The following VASH2 variants were observed in gnomAD, a reference collection of about 807,000 sequenced individuals.
VASH2 encodes the protein vasohibin 2.
Under a neutral mutation model 37.2 loss-of-function variants are expected in VASH2, and 28 were observed. The observed-to-expected ratio is 0.75, with a 90% CI of 0.56 to 1.03. The LOEUF (loss-of-function observed/expected upper bound fraction) is 1.03, where lower values mean the gene tolerates loss of function less well. VASH2 is among the 50% of genes least tolerant of loss of function. The pLI, the probability that VASH2 is intolerant of heterozygous loss-of-function variation, is 0.00. For synonymous variants in VASH2, 188 were observed against 174.7 expected, an observed-to-expected ratio of 1.08 and a Z score of -0.60; for missense variants, 419 against 459.1, an observed-to-expected ratio of 0.91 and a Z score of 0.80.
chr1:212,986,732 T>A (rs1476930922), intron 7 of VASH2, among the ~76,000 whole-genome samples: 1 of 122,246 alleles, frequency 8.2e-6, no homozygotes, highest in Non-Finnish European at 1.8e-5. Flanking sequence ...TGAGCTCTGA[T>A]ACAATGAGCA....
chr1:212,987,069 G>A (rs943950938), intron 7 of VASH2, among the ~76,000 whole-genome samples: 1 of 151,972 alleles, frequency 6.6e-6, no homozygotes, highest in Non-Finnish European at 1.5e-5. Flanking sequence ...AGGGGTAGTG[G>A]AATTGCTGGC....
In VASH2 at chr1:212,971,336, G is replaced by C. The variant is rs1323385551; in HGVS notation, c.498-1244G>C. On this transcript the variant is annotated intron_variant, in intron 5 of 7. Transcript: ENST00000517399. The surrounding 1 kb of genome is among the most constrained non-coding windows in gnomAD (Gnocchi z 4.0). Reference sequence around the variant, plus strand: ...CAGAAGTGGAATTGCCAGGTCCTAGGGTAATCCTGTTGAATTATTTGAGGA... The same window carrying C: ...CAGAAGTGGAATTGCCAGGTCCTAGCGTAATCCTGTTGAATTATTTGAGGA... Among the ~76,000 whole-genome samples, 2 of 152,186 alleles carry C rather than the reference G, an allele frequency of 1.3e-5. No homozygotes were observed. Among genetic ancestry groups the C allele is most frequent in the Non-Finnish European group, 2.9e-5 (2 of 68,026 alleles).
In VASH2 at chr1:212,950,609, A is replaced by G. The variant is rs1666269107; in HGVS notation, c.-336A>G. On this transcript the variant is annotated 5_prime_UTR_variant, in exon 1 of 8. The change abolishes an upstream ATG in the 5' untranslated region. Coordinates refer to ENST00000517399, the MANE Select transcript of VASH2 (RefSeq NM_001301056.2). This position sits in a 1 kb window ranked among gnomAD's most constrained non-coding sequence, Gnocchi z 5.5. ...ACAGAATAACATTCGAGAATGGGACATGGAATGAGGCGACGGCCCCAGCAA... is the reference window on the plus strand; with the variant it reads ...ACAGAATAACATTCGAGAATGGGACGTGGAATGAGGCGACGGCCCCAGCAA... 1 of 153,856 alleles carries G rather than the reference A, an allele frequency of 6.5e-6. No individual in the cohort carries two copies. The highest frequency in any genetic ancestry group is 1.7e-4 in the South Asian group (1 of 5,728). 9.5% of individuals were successfully genotyped at this position (153,856 alleles called of 1,614,324 possible).
intron 6 of VASH2, chr1:212,973,352 C>T (rs1480289871): frequency 1.6e-6 from 2 of 1,265,582 alleles, no homozygotes; most frequent in Non-Finnish European, 2.1e-6. Context: ...AGACTATACT[C>T]ATACGTCCCT....
chr1:212,973,373 T>C (rs1667069289), intron 6 of VASH2: 6 of 1,289,860 alleles, frequency 4.7e-6, no homozygotes, highest in African/African-American at 4.5e-5. Flanking sequence ...CTTCTCTCTC[T>C]CAGTTTTACC....
intron 3 of VASH2, among the ~76,000 whole-genome samples, chr1:212,964,207 A>G (rs1479967359): frequency 6.6e-6 from 1 of 152,184 alleles, no homozygotes; most frequent in Non-Finnish European, 1.5e-5. Context: ...TGGAGCCCAG[A>G]ATCTGCTTAT....
intron 7 of VASH2, among the ~76,000 whole-genome samples, chr1:212,976,580 A>AAAG (rs1553275822): frequency 5.3e-5 from 8 of 151,492 alleles, no homozygotes; most frequent in Non-Finnish European, 1.2e-4. Flanking sequence ...AAAAAAAAAA[A>AAAG]TGGTGACGAC....
In VASH2 at chr1:212,971,810, A is replaced by G. The variant is rs1351559398; in HGVS notation, c.498-770A>G. On this transcript the variant is annotated intron_variant, in intron 5 of 7. Transcript: ENST00000517399. This position sits in a 1 kb window ranked among gnomAD's most constrained non-coding sequence, Gnocchi z 4.0. Reference sequence around the variant, plus strand: ...CTCTGGCACCGAGAGCAGCCCTTTTAAGTGTAAGGCAGTGCACATCCACAA... The same window carrying G: ...CTCTGGCACCGAGAGCAGCCCTTTTGAGTGTAAGGCAGTGCACATCCACAA... 6.6e-6 allele frequency among the ~76,000 whole-genome samples: 1 copy of G among 152,028 alleles called. No homozygotes were observed. Among genetic ancestry groups the G allele is most frequent in the East Asian group, 1.9e-4 (1 of 5,196 alleles).
chr1:212,975,622 AGTT>A (rs916975733), intron 7 of VASH2, among the ~76,000 whole-genome samples: 6 of 152,248 alleles, frequency 3.9e-5, no homozygotes, highest in Admixed American at 3.9e-4. Flanking sequence ...ATCACAAAGT[AGTT>A]GTTGTCTCAG....
chr1:212,966,213 C>G (rs892660129), intron 4 of VASH2, 58 bp from the exon 5 acceptor site: 70 of 1,454,354 alleles, frequency 4.8e-5, no homozygotes, highest in Non-Finnish European at 6.2e-5. Context: ...GATTGACAGA[C>G]TGACCGAGTG....
At chr1:212,973,591 G>A (rs370038825) in intron 6 of VASH2, 1 of 1,250,150 alleles carries the variant, frequency 8.0e-7, no homozygotes, top group East Asian at 5.5e-5. Flanking sequence ...GGAAGAACAG[G>A]CTGGTTTCTG....
At chr1:212,982,231 G>C (rs1424291320) in intron 7 of VASH2, among the ~76,000 whole-genome samples, 1 of 152,128 alleles carries the variant, frequency 6.6e-6, no homozygotes, top group Non-Finnish European at 1.5e-5. Flanking sequence ...GGTGAGGCTG[G>C]GACTGTCTGT....
chr1:212,986,019 C>A (rs963263710), intron 7 of VASH2, among the ~76,000 whole-genome samples: 1 of 152,142 alleles, frequency 6.6e-6, no homozygotes, highest in African/African-American at 2.4e-5. Context: ...TGTTGAGGGG[C>A]AACTAATAGA....
At chr1:212,986,309 T>C (rs1667477139) in intron 7 of VASH2, among the ~76,000 whole-genome samples, 1 of 152,172 alleles carries the variant, frequency 6.6e-6, no homozygotes, top group Admixed American at 6.5e-5. Flanking sequence ...GGAGCAGTGA[T>C]TTACTTTTCT....
At chr1:212,970,099 G>T (rs1666966073) in intron 5 of VASH2, among the ~76,000 whole-genome samples, 1 of 152,196 alleles carries the variant, frequency 6.6e-6, no homozygotes, top group Non-Finnish European at 1.5e-5. Flanking sequence ...GTTTATTAAA[G>T]AAACAGGTTC....
intron 2 of VASH2, among the ~76,000 whole-genome samples, chr1:212,959,266 C>CCG (rs1553272335): frequency 3.2e-4 from 48 of 151,114 alleles, no homozygotes; most frequent in Admixed American, 3.2e-3. Flanking sequence ...TTGACTTGCT[C>CCG]TGTGTGTGTG....
intron 7 of VASH2, among the ~76,000 whole-genome samples, chr1:212,974,273 G>A (rs1281358353): frequency 6.6e-6 from 1 of 152,188 alleles, no homozygotes; most frequent in Non-Finnish European, 1.5e-5. Context: ...TCTGCTGTCA[G>A]TTGCACACAA....
chr1:212,967,283 A>G lies in VASH2; in HGVS notation c.497+938A>G, dbSNP rs954527006. On this transcript the variant is annotated intron_variant, in intron 5 of 7. Transcript: ENST00000517399. Reference sequence around the variant, plus strand: ...TACACAATAGTCTCATCCCTGCACAATTTTATACATTCGAGCATCATGCCA... The same window carrying G: ...TACACAATAGTCTCATCCCTGCACAGTTTTATACATTCGAGCATCATGCCA... 10 of 1,271,112 alleles carry G rather than the reference A, an allele frequency of 7.9e-6. No individual in the cohort carries two copies. The African/African-American group carries it at 1.4e-4, about 17-fold the overall frequency. 78.7% of individuals were successfully genotyped at this position (1,271,112 alleles called of 1,614,324 possible).
Position 212,971,299 on chromosome 1 carries a change from TG to T in VASH2, c.498-1278del, listed in dbSNP as rs201008334. On this transcript the variant is annotated intron_variant, in intron 5 of 7. Coordinates refer to ENST00000517399, the MANE Select transcript of VASH2 (RefSeq NM_001301056.2). This position sits in a 1 kb window ranked among gnomAD's most constrained non-coding sequence, Gnocchi z 4.0. The stretch of plus-strand genomic sequence containing the variant: ...CTGGGGTCGCTGCTTTCAATTCTTT[TG>T]GGTATGCACCCAGAAGTGGAATTGC... 5.8e-4 allele frequency among the ~76,000 whole-genome samples: 89 copies of T among 152,352 alleles called. No homozygotes were observed. The East Asian group carries it at 0.016, about 28-fold the overall frequency.
Sources: gnomAD v4.1 joint callset for allele counts (sites outside exome capture counted in the v4.1 genomes callset) on GRCh38, gnomAD v4.1.1 for gene constraint, Gnocchi (gnomAD v3.1) non-coding constraint, MANE v1.5 for transcripts, NCBI Gene and HGNC (gene_info 2026-07-23, HGNC 2026-07-21) for gene names.